The following INPP5K variants were observed in gnomAD, a reference collection of about 807,000 sequenced individuals.
INPP5K encodes inositol polyphosphate 5-phosphatase K.
INPP5K carries 35 observed loss-of-function variants against 53.5 expected under a neutral mutation model. The ratio of observed to expected loss-of-function variants is 0.65; its 90% CI spans 0.50 to 0.87. INPP5K has a LOEUF of 0.87. INPP5K is among the 40% of genes least tolerant of loss of function. The pLI is 0.00. For synonymous variants in INPP5K, 253 were observed against 232.8 expected (o/e 1.09, Z -0.79); for missense variants, 550 against 586.2 (o/e 0.94, Z 0.64).
chr17:1,503,350 A>AT (rs2075076452), intron 7 of INPP5K, among the ~76,000 whole-genome samples: 1 of 150,920 alleles, frequency 6.6e-6, no homozygotes, highest in East Asian at 2.0e-4. Context: ...TGCCCGGCTA[A>AT]TTTTTTTTTA....
intron 7 of INPP5K, among the ~76,000 whole-genome samples, chr17:1,504,820 G>A (rs969918432): frequency 2.0e-5 from 3 of 152,136 alleles, no homozygotes; most frequent in Non-Finnish European, 2.9e-5. Context: ...CTTCCTCACC[G>A]TGCCATCCTT....
Position 1,513,576 on chromosome 17 carries a change from T to C in INPP5K, c.153-15A>G. On this transcript the variant is annotated splice_polypyrimidine_tract_variant and intron_variant, in intron 2 of 11. Transcript: ENST00000421807. ...ATTCCTGCAAACTGACCATGCCAGC[T>C]CAGAGGCTTGGCCCCTGGCCTCCAG... 1 of 1,608,466 alleles carries C rather than the reference T, an allele frequency of 6.2e-7. No individual in the cohort carries two copies. The highest frequency in any genetic ancestry group is 8.5e-7 in the Non-Finnish European group (1 of 1,174,762).
At chr17:1,514,905 CTTT>C (rs774754833) in intron 1 of INPP5K, among the ~76,000 whole-genome samples, 185 of 134,446 alleles carry the variant, frequency 1.4e-3, no homozygotes, top group African/African-American at 4.6e-3. Flanking sequence ...TTCAGCGAGA[CTTT>C]TTTTTTTTTT....
rs142985262 is a variant in INPP5K at position 1,506,817 on chromosome 17, G to A, written c.776+163C>T. On this transcript the variant is annotated intron_variant, in intron 7 of 11. Transcript: ENST00000421807. ...CTCTCGAGATCTGGGACGGCTCCCC[G>A]AGTCAGCGCCTCATGAAGTGGACAG... Among the ~76,000 whole-genome samples the A allele has an allele frequency of 1.2e-3, 189 of 151,912 alleles. 2 individuals are homozygous for A. The highest frequency in any genetic ancestry group is 4.2e-3 in the African/African-American group (172 of 41,368).
chr17:1,498,213 C>T, intron 7 of INPP5K, 91 bp from the exon 8 acceptor site: 1 of 1,136,092 alleles, frequency 8.8e-7, no homozygotes, highest in Non-Finnish European at 1.2e-6. Context: ...CTTGCTGGAG[C>T]CCCTAACTCC....
chr17:1,516,583 C>T lies in INPP5K; in HGVS notation c.-84G>A. 1.4e-6 allele frequency: 2 copies of T among 1,439,030 alleles called. No homozygotes were observed. The highest frequency in any genetic ancestry group is 1.8e-6 in the Non-Finnish European group (2 of 1,103,924). 89.1% of individuals were successfully genotyped at this position (1,439,030 alleles called of 1,614,324 possible). ...CCGGCCAGAGCAGCCCTGCGGGCGG[C>T]CGGTCTCACGCGCCTAGCTGTCGCG... On this transcript the variant is annotated 5_prime_UTR_variant, in exon 1 of 12. Coordinates refer to ENST00000421807, the MANE Select transcript of INPP5K (RefSeq NM_016532.4).
intron 1 of INPP5K, among the ~76,000 whole-genome samples, chr17:1,515,056 GCCA>G (rs2075401461): frequency 6.6e-6 from 1 of 151,980 alleles, no homozygotes; most frequent in African/African-American, 2.4e-5. Flanking sequence ...ACAGGTGTGT[GCCA>G]CCACATCTGG....
At chr17:1,515,610 G>A (rs2075415961) in intron 1 of INPP5K, 2 of 985,276 alleles carry the variant, frequency 2.0e-6, no homozygotes, top group South Asian at 9.4e-5. Flanking sequence ...GGTACAGGGG[G>A]ATGGGAGAAA....
Position 1,509,366 on chromosome 17 carries a change from G to A in INPP5K, c.379-13C>T. 1 of 1,608,466 alleles carries A rather than the reference G, an allele frequency of 6.2e-7. No homozygotes were observed. Among genetic ancestry groups the A allele is most frequent in the East Asian group, 2.2e-5 (1 of 44,822 alleles). ...CACCTTTGTTCCCCTGGTAGAACAG[G>A]TCAACAGAAGAGTGGGAAGCTACTC... On this transcript the variant is annotated splice_polypyrimidine_tract_variant and intron_variant, in intron 4 of 11. Transcript: ENST00000421807.
At chr17:1,498,533 A>C (rs1010408391) in intron 7 of INPP5K, among the ~76,000 whole-genome samples, 1 of 152,200 alleles carries the variant, frequency 6.6e-6, no homozygotes, top group East Asian at 1.9e-4. Flanking sequence ...AGGAAAGGGA[A>C]GGGAAGCATT....
chr17:1,498,091 G>C lies in INPP5K; in HGVS notation c.808C>G (p.Arg270Gly). The C allele has an allele frequency of 6.2e-7, 1 of 1,613,552 alleles. No homozygotes were observed. The highest frequency in any genetic ancestry group is 8.5e-7 in the Non-Finnish European group (1 of 1,179,724). ...EKKRKPAWTD[R>G]ILWRLKRQPC... Reference sequence around the variant, plus strand: ...TGCCGCTTCAGCCTCCACAGGATGCGATCGGTCCATGCAGGCTTGCGTTTT... The same window carrying C: ...TGCCGCTTCAGCCTCCACAGGATGCCATCGGTCCATGCAGGCTTGCGTTTT... The change falls in exon 8 of 12, where the codon CGC becomes GGC. Residue 270 changes from arginine (R) to glycine (G), a missense_variant. Arg to Gly is a moderately radical substitution (Grantham distance 125). Coordinates refer to ENST00000421807, the MANE Select transcript of INPP5K (RefSeq NM_016532.4).
Position 1,498,088 on chromosome 17 carries a change from T to C in INPP5K, c.811A>G (p.Ile271Val). The change falls in exon 8 of 12, where the codon ATC (isoleucine) becomes GTC (valine). Residue 271 changes from isoleucine to valine, a missense_variant. Physicochemically the swap from Ile to Val is conservative, Grantham distance 29. Transcript: ENST00000421807. ...GGCTGCCGCTTCAGCCTCCACAGGA[T>C]GCGATCGGTCCATGCAGGCTTGCGT... Reference protein sequence around the residue: ...KKRKPAWTDRILWRLKRQPCA... With the variant: ...KKRKPAWTDRVLWRLKRQPCA... 1.2e-6 allele frequency: 2 copies of C among 1,613,620 alleles called. No individual in the cohort carries two copies. The highest frequency in any genetic ancestry group is 1.7e-6 in the Non-Finnish European group (2 of 1,179,760).
In INPP5K at chr17:1,506,892, A is replaced by T. The variant is rs1048439654; in HGVS notation, c.776+88T>A. The T allele has an allele frequency of 1.7e-5, 15 of 894,094 alleles. No individual in the cohort carries two copies. The African/African-American group carries it at 2.5e-4, about 15-fold the overall frequency. The allele number at this position is 894,094 out of a possible 1,614,324, so 55.4% of individuals were successfully genotyped here. ...GACTAGACCAATTCCTGCCCCCCCT[A>T]ACACTTCTATTCTGAGACAGTTCCC... On this transcript the variant is annotated intron_variant, in intron 7 of 11. Transcript: ENST00000421807.
Position 1,496,080 on chromosome 17 carries a change from C to A in INPP5K, c.1270G>T (p.Gly424Trp). 6.2e-7 allele frequency: 1 copy of A among 1,611,418 alleles called. No homozygotes were observed. Among genetic ancestry groups the A allele is most frequent in the Admixed American group, 1.7e-5 (1 of 60,022 alleles). The change falls in exon 11 of 12, where the codon GGG becomes TGG. Residue 424 changes from glycine (G) to tryptophan (W), a missense_variant. By Grantham distance (184) the Gly-to-Trp change is radical. Coordinates refer to ENST00000421807, the MANE Select transcript of INPP5K (RefSeq NM_016532.4). The stretch of plus-strand genomic sequence containing the variant: ...CTTACCTGGAAGGGTCTGCTTATCC[C>A]CACCACAGAACGCAGACTGTTGCTG... ...YYSNSLRSVV[G>W]ISRPFQIPPG...
At chr17:1,513,675 G>A (rs1447260040) in intron 2 of INPP5K, 114 bp from the exon 3 acceptor site, 2 of 1,007,820 alleles carry the variant, frequency 2.0e-6, no homozygotes, top group African/African-American at 3.2e-5. Context: ...TGGCCATGAG[G>A]TCTCCCTCCC....
chr17:1,497,910 A>T, intron 8 of INPP5K, 26 bp downstream of exon 8: 1 of 1,595,600 alleles, frequency 6.3e-7, no homozygotes, highest in Non-Finnish European at 8.6e-7. Context: ...TTCCTCTGGC[A>T]AGTATCAGGC....
chr17:1,513,837 G>T (rs769647477), intron 2 of INPP5K, 35 bp downstream of exon 2: 2 of 1,498,866 alleles, frequency 1.3e-6, no homozygotes, highest in Non-Finnish European at 1.9e-6. Context: ...CCTGGGACTG[G>T]TCAGGGATGG....
intron 1 of INPP5K, among the ~76,000 whole-genome samples, 155 bp downstream of exon 1, chr17:1,516,301 A>T (rs1436557265): frequency 6.6e-6 from 1 of 152,236 alleles, no homozygotes; most frequent in East Asian, 1.9e-4. Context: ...CTCGGGCCCA[A>T]CACAGCCCAC....
rs747889190 is a variant in INPP5K at position 1,508,139 on chromosome 17, G to A, written c.642C>T (p.Tyr214=). The A allele has an allele frequency of 3.0e-5, 48 of 1,613,852 alleles. No individual in the cohort carries two copies. The East Asian group carries it at 4.9e-4, about 16-fold the overall frequency. The part of the protein sequence containing the change: ...FVRESIKNRC[Y]GGLWEKDQLS... Reference sequence around the variant, plus strand: ...CCTGGTCCTTCTCCCACAGGCCACCGTAGCACCGATTTTTAATGGATTCCC... The same window carrying A: ...CCTGGTCCTTCTCCCACAGGCCACCATAGCACCGATTTTTAATGGATTCCC... Residue 214 remains tyrosine, a synonymous_variant, in exon 6 of 12, where the codon TAC becomes TAT. Coordinates refer to ENST00000421807, the MANE Select transcript of INPP5K (RefSeq NM_016532.4).
Sources: allele counts gnomAD v4.1 joint callset (sites outside exome capture counted in the v4.1 genomes callset), GRCh38; gene constraint gnomAD v4.1.1; transcripts MANE v1.5; gene names NCBI Gene and HGNC (gene_info 2026-07-23, HGNC 2026-07-21).